Variants in ZDHHC21 observed in about 807,000 individuals in gnomAD.
ZDHHC21 encodes palmitoyltransferase ZDHHC21.
In ZDHHC21, 15 loss-of-function variants were observed where a neutral mutation model predicts 34.6. The observed-to-expected ratio is 0.43, with a 90% CI of 0.29 to 0.67. The LOEUF (loss-of-function observed/expected upper bound fraction) is 0.67. Among genes scored for constraint, ZDHHC21 ranks in the 30% least tolerant of loss-of-function variants. The pLI, the probability that ZDHHC21 is intolerant of heterozygous loss-of-function variation, is 0.14. For missense variants in ZDHHC21, 344 were observed against 327.7 expected (o/e 1.05, Z -0.38); for synonymous variants, 142 against 101.8 (o/e 1.40, Z -2.38).
chr9:14,593,164 G>A, the ZDHHC21 span, among the ~76,000 whole-genome samples: 8 of 151,924 alleles, frequency 5.3e-5, no homozygotes, highest in East Asian at 9.7e-4. Flanking sequence ...CACAAACAAA[G>A]GAAATGGAAA....
Position 14,666,533 on chromosome 9 carries a change from C to A in ZDHHC21, c.254-4207G>T, listed in dbSNP as rs1351715881. 2.7e-4 allele frequency among the ~76,000 whole-genome samples: 27 copies of A among 99,678 alleles called. 5 individuals carry two copies. The highest frequency in any genetic ancestry group is 8.9e-4 in the African/African-American group (27 of 30,244). The allele number at this position is 99,678 out of a possible 152,430, so 65.4% of individuals were successfully genotyped here. ...ATCTACAGAACTCTCCACCCCAAAT[C>A]AACAGAATATACATTTTTTTCAGCA... is the stretch of plus-strand genomic sequence containing the variant. On this transcript the variant is annotated intron_variant, in intron 5 of 9. Transcript: ENST00000380916.
the ZDHHC21 span, among the ~76,000 whole-genome samples, chr9:14,605,204 AT>A: frequency 0.28 from 40,833 of 147,030 alleles, 5,756 homozygotes; most frequent in East Asian, 0.37. Flanking sequence ...TCCTGGTTTC[AT>A]TTTTTTTTTT....
intron 1 of ZDHHC21, among the ~76,000 whole-genome samples, chr9:14,691,493 T>A (rs1467497602): frequency 1.3e-5 from 2 of 152,218 alleles, no homozygotes; most frequent in East Asian, 3.8e-4. Context: ...AATGAGGCAG[T>A]AGGCAAATAA....
chr9:14,616,459 C>A lies in ZDHHC21; in HGVS notation c.*2507G>T, dbSNP rs1824179719. On this transcript the variant is annotated 3_prime_UTR_variant, in exon 10 of 10. Transcript: ENST00000380916. ...TTTCATAAAATTTTACATTTTTGTA[C>A]ATACACTCCTCCTAAGTTTGTACTT... is the stretch of plus-strand genomic sequence containing the variant. The A allele has an allele frequency of 6.6e-6, 1 of 151,718 alleles. No individual in the cohort carries two copies. The highest frequency in any genetic ancestry group is 2.1e-4 in the South Asian group (1 of 4,830). 9.4% of individuals were successfully genotyped at this position (151,718 alleles called of 1,614,324 possible).
intron 3 of ZDHHC21, among the ~76,000 whole-genome samples, chr9:14,677,137 CAT>C (rs1836551174): frequency 6.6e-6 from 1 of 151,906 alleles, no homozygotes; most frequent in African/African-American, 2.4e-5. Flanking sequence ...CAAAAAATTA[CAT>C]AGTGAAAAGT....
In ZDHHC21 at chr9:14,658,450, G is replaced by A. The variant is rs896923625; in HGVS notation, c.504+299C>T. On this transcript the variant is annotated intron_variant, in intron 7 of 9. Transcript: ENST00000380916. ...ATGCTACAACTGCTCTAATGTTAGT[G>A]GATATAAACATTTCTTTTTTTTTTT... Among the ~76,000 whole-genome samples, 3 of 137,924 alleles carry A rather than the reference G, an allele frequency of 2.2e-5. No individual in the cohort carries two copies. In the South Asian group the frequency reaches 7.0e-4, roughly 32 times the overall value. 90.5% of individuals were successfully genotyped at this position (137,924 alleles called of 152,430 possible). A position where few individuals can be genotyped will look rare whatever the true frequency, so the allele number is the denominator to read the frequency against.
chr9:14,688,086 A>G lies in ZDHHC21; in HGVS notation c.-176+2251T>C, dbSNP rs143980269. ...TTAGGAATTCAATTTTTTAAATATCACATAGATATTCAGTTGATTATCAAC... is the reference window on the plus strand; with the variant it reads ...TTAGGAATTCAATTTTTTAAATATCGCATAGATATTCAGTTGATTATCAAC... On this transcript the variant is annotated intron_variant, in intron 2 of 9. Coordinates refer to ENST00000380916, the MANE Select transcript of ZDHHC21 (RefSeq NM_178566.6). Among the ~76,000 whole-genome samples the G allele has an allele frequency of 1.3e-4, 20 of 149,682 alleles. 1 individual carries two copies. In the East Asian group the frequency reaches 3.9e-3, roughly 29 times the overall value.
chr9:14,601,867 A>AC, the ZDHHC21 span, among the ~76,000 whole-genome samples: 1 of 152,176 alleles, frequency 6.6e-6, no homozygotes, highest in Non-Finnish European at 1.5e-5. Context: ...GAAGCTGGAA[A>AC]CCATCATTCT....
intron 5 of ZDHHC21, among the ~76,000 whole-genome samples, chr9:14,662,954 A>G (rs1034814467): frequency 1.3e-5 from 2 of 152,192 alleles, no homozygotes; most frequent in Non-Finnish European, 2.9e-5. Flanking sequence ...AAAATGTTAT[A>G]AGACAACTAC....
At chr9:14,641,340 A>G (rs751230673) in intron 7 of ZDHHC21, among the ~76,000 whole-genome samples, 5 of 152,190 alleles carry the variant, frequency 3.3e-5, no homozygotes, top group Admixed American at 1.3e-4. Context: ...AAAGAACCCA[A>G]TATAGAATCC....
chr9:14,597,585 C>T, the ZDHHC21 span, among the ~76,000 whole-genome samples: 1 of 152,198 alleles, frequency 6.6e-6, no homozygotes, highest in Non-Finnish European at 1.5e-5. Context: ...CAGTGCCACG[C>T]AGAGGCCTGA....
At chr9:14,676,683 T>C (rs1157381087) in intron 3 of ZDHHC21, among the ~76,000 whole-genome samples, 1 of 151,982 alleles carries the variant, frequency 6.6e-6, no homozygotes, top group Non-Finnish European at 1.5e-5. Flanking sequence ...ATTGGTATCA[T>C]TAAAATGAAG....
chr9:14,622,788 G>T, intron 8 of ZDHHC21: 1 of 960,736 alleles, frequency 1.0e-6, no homozygotes, highest in Non-Finnish European at 1.2e-6. Context: ...GTTTAACCCT[G>T]CAAACAATTT....
At chr9:14,664,550 G>C (rs895701227) in intron 5 of ZDHHC21, among the ~76,000 whole-genome samples, 1 of 151,456 alleles carries the variant, frequency 6.6e-6, no homozygotes, top group African/African-American at 2.4e-5. Context: ...TCCACCTCTG[G>C]GGGCAGGGCA....
rs920568665 is a variant in ZDHHC21, at chr9:14,611,108, C to A, written c.*7858G>T. On this transcript the variant is annotated 3_prime_UTR_variant, in exon 10 of 10. Coordinates refer to ENST00000380916, the MANE Select transcript of ZDHHC21 (RefSeq NM_178566.6). ...AAATATTTATTTAAAAATAAGATTT[C>A]AAAAAATACAGTACTTAATACATTT... The A allele has an allele frequency of 6.6e-6, 1 of 151,528 alleles. No homozygotes were observed. Among genetic ancestry groups the A allele is most frequent in the Non-Finnish European group, 1.5e-5 (1 of 67,820 alleles). The allele number at this position is 151,528 out of a possible 1,614,324, so 9.4% of individuals were successfully genotyped here. A position where few individuals can be genotyped will look rare whatever the true frequency, so the allele number is the denominator to read the frequency against.
At position 14,660,915 on chromosome 9, in the gene ZDHHC21, G is replaced by A. The variant is rs367937605; in HGVS notation, c.365+1300C>T. ...AAGCGCTTAAAAACTGAGCTTTTCT[G>A]TATGATCAGCAATTATCTGAATACA... On this transcript the variant is annotated intron_variant, in intron 6 of 9. Coordinates refer to ENST00000380916, the MANE Select transcript of ZDHHC21 (RefSeq NM_178566.6). 3.3e-5 allele frequency among the ~76,000 whole-genome samples: 5 copies of A among 152,072 alleles called. No individual in the cohort carries two copies. In the East Asian group the frequency reaches 9.6e-4, roughly 29 times the overall value.
At chr9:14,633,299 A>T (rs940778093) in intron 8 of ZDHHC21, among the ~76,000 whole-genome samples, 2 of 152,150 alleles carry the variant, frequency 1.3e-5, no homozygotes, top group Admixed American at 1.3e-4. Flanking sequence ...GTTAGTCAAA[A>T]TTGGCTGGGG....
At chr9:14,619,814 T>C (rs939673421) in intron 8 of ZDHHC21, 132 bp from the exon 9 acceptor site, 7 of 447,836 alleles carry the variant, frequency 1.6e-5, no homozygotes, top group African/African-American at 8.3e-5. Flanking sequence ...ATGAGTATTA[T>C]GAATTTTAAA....
intron 5 of ZDHHC21, among the ~76,000 whole-genome samples, chr9:14,671,983 C>G (rs912377208): frequency 6.6e-6 from 1 of 152,180 alleles, no homozygotes; most frequent in African/African-American, 2.4e-5. Flanking sequence ...TTGACTGTTT[C>G]ATCTATATGC....
Sources: allele counts gnomAD v4.1 joint callset (sites outside exome capture counted in the v4.1 genomes callset), GRCh38; gene constraint gnomAD v4.1.1; transcripts MANE v1.5; gene names NCBI Gene and HGNC (gene_info 2026-07-23, HGNC 2026-07-21).